MAN2A2: variants seen among roughly 807,000 people sequenced by gnomAD.
The protein encoded by MAN2A2 is alpha-mannosidase 2x.
Under a neutral mutation model 126.8 loss-of-function variants are expected in MAN2A2, and 79 were observed. The observed-to-expected ratio is 0.62, with a 90% CI of 0.52 to 0.75. MAN2A2 has a LOEUF of 0.75. MAN2A2 is among the 30% of genes least tolerant of loss of function. MAN2A2 has a pLI of 0.00. For missense variants in MAN2A2, 1,392 were observed against 1,522.4 expected (o/e 0.91, Z 1.43); for synonymous variants, 671 against 618.7 (o/e 1.08, Z -1.25).
rs748793516 is a variant in MAN2A2 at position 90,911,405 on chromosome 15, C to A, written c.1964C>A (p.Pro655Gln). Reference sequence around the variant, plus strand: ...CACAGGTTTGTGGTCCTATTCAACCCACTGGAACAGGAGCGATTCAGCATG... The same window carrying A: ...CACAGGTTTGTGGTCCTATTCAACCAACTGGAACAGGAGCGATTCAGCATG... Reference protein sequence around the residue: ...SSPRFVVLFNPLEQERFSMVS... With the variant: ...SSPRFVVLFNQLEQERFSMVS... Residue 655 changes from proline (P) to glutamine (Q), a missense_variant, in exon 14 of 23, where the codon CCA becomes CAA. Coordinates refer to ENST00000559717, the MANE Select transcript of MAN2A2 (RefSeq NM_006122.4). The A allele has an allele frequency of 3.7e-6, 6 of 1,614,104 alleles. No individual in the cohort carries two copies. The South Asian group carries it at 5.5e-5, about 15-fold the overall frequency.
chr15:90,902,848 G>A (rs1467110762), upstream of MAN2A2: 1 of 147,148 alleles, frequency 6.8e-6, no homozygotes, highest in Admixed American at 6.7e-5. Context: ...GGAGCAGGGG[G>A]CTACGGGTGG....
chr15:90,910,674 A>C lies in MAN2A2; in HGVS notation c.1751A>C (p.Tyr584Ser), dbSNP rs566677943. ...GTAKEAVVVD[Y>S]GVRLLRSLVN... ...GCCAAGGAGGCTGTGGTGGTGGACT[A>C]TGGGGTCAGGTGGGAGCCTTCTCTT... Residue 584 changes from tyrosine (Y) to serine (S), a missense_variant, in exon 11 of 23, where the codon TAT (tyrosine) becomes TCT (serine). Coordinates refer to ENST00000559717, the MANE Select transcript of MAN2A2 (RefSeq NM_006122.4). 2 of 1,613,898 alleles carry C rather than the reference A, an allele frequency of 1.2e-6. No homozygotes were observed. The highest frequency in any genetic ancestry group is 2.7e-5 in the African/African-American group (2 of 74,994).
Position 90,905,427 on chromosome 15 carries a change from G to C in MAN2A2, c.309G>C (p.Glu103Asp), listed in dbSNP as rs1157484506. 3 of 1,613,794 alleles carry C rather than the reference G, an allele frequency of 1.9e-6. No homozygotes were observed. Among genetic ancestry groups the C allele is most frequent in the East Asian group, 4.5e-5 (2 of 44,888 alleles). ...TVNGSWVVPPEPRPSFFSISP... is the reference protein window; with the variant it reads ...TVNGSWVVPPDPRPSFFSISP... Reference sequence around the variant, plus strand: ...ATGGCTCCTGGGTGGTGCCACCGGAGCCCCGGCCCAGCTTCTTCTCCATCT... The same window carrying C: ...ATGGCTCCTGGGTGGTGCCACCGGACCCCCGGCCCAGCTTCTTCTCCATCT... The change falls in exon 3 of 23, where the codon GAG (glutamate) becomes GAC (aspartate). Residue 103 changes from glutamate to aspartate, a missense_variant. Transcript: ENST00000559717.
intron 5 of MAN2A2, 49 bp downstream of exon 5, chr15:90,906,065 C>A: frequency 1.2e-6 from 2 of 1,609,472 alleles, no homozygotes; most frequent in Admixed American, 1.7e-5. Flanking sequence ...GAGCCCCAGG[C>A]TGGGTGGACG....
At chr15:90,918,463 C>T (rs1394296035) in intron 21 of MAN2A2, 75 bp downstream of exon 21, 9 of 1,506,388 alleles carry the variant, frequency 6.0e-6, no homozygotes, top group Non-Finnish European at 8.2e-6. Flanking sequence ...CCTTCCTTAG[C>T]CTCCAGGATG....
In MAN2A2 at chr15:90,910,895, C is replaced by T. The variant is rs150135747; in HGVS notation, c.1809C>T (p.Ala603=). The change falls in exon 12 of 23, where the codon GCC becomes GCT. Residue 603 remains alanine (A), a synonymous_variant. Coordinates refer to ENST00000559717, the MANE Select transcript of MAN2A2 (RefSeq NM_006122.4). ...TGAAGCAGGTCATCATTCATGCAGC[C>T]CACTATCTGGTGCTGGGGGACAAGG... ...VNLKQVIIHA[A]HYLVLGDKET... The T allele has an allele frequency of 7.4e-6, 12 of 1,614,060 alleles. No homozygotes were observed. Among genetic ancestry groups the T allele is most frequent in the South Asian group, 2.2e-5 (2 of 91,086 alleles).
chr15:90,915,982 C>T (rs548466112), intron 19 of MAN2A2, 141 bp from the exon 20 acceptor site: 45 of 886,678 alleles, frequency 5.1e-5, no homozygotes, highest in Non-Finnish European at 7.2e-5. Flanking sequence ...CGTGGGAACC[C>T]GTGACCTCTC....
chr15:90,909,917 T>A (rs1294087539), intron 9 of MAN2A2, among the ~76,000 whole-genome samples, 173 bp from the exon 10 acceptor site: 1 of 152,168 alleles, frequency 6.6e-6, no homozygotes, highest in African/African-American at 2.4e-5. Flanking sequence ...GTGCCCCTTT[T>A]ATGTCAGAAT....
Position 90,910,499 on chromosome 15 carries a change from A to G in MAN2A2, c.1578-2A>G, listed in dbSNP as rs776175706. 1.2e-6 allele frequency: 2 copies of G among 1,613,552 alleles called. No homozygotes were observed. ...TGGCAGCTAACTTCTCTCTCTGGGCAGGGGGGCAGAGGTTCTGTACAGCCT... is the reference window on the plus strand; with the variant it reads ...TGGCAGCTAACTTCTCTCTCTGGGCGGGGGGGCAGAGGTTCTGTACAGCCT... On this transcript the variant is annotated splice_acceptor_variant, in intron 10 of 22. Coordinates refer to ENST00000559717, the MANE Select transcript of MAN2A2 (RefSeq NM_006122.4). LOFTEE classifies it high-confidence loss of function.
intron 2 of MAN2A2, 47 bp from the exon 3 acceptor site, chr15:90,905,204 C>T (rs970637159): frequency 6.3e-6 from 10 of 1,594,070 alleles, no homozygotes; most frequent in African/African-American, 2.7e-5. Context: ...GAGACCCTCC[C>T]TGTGGCATAA....
At chr15:90,906,199 G>C (rs1329836724) in intron 5 of MAN2A2, among the ~76,000 whole-genome samples, 171 bp from the exon 6 acceptor site, 1 of 152,224 alleles carries the variant, frequency 6.6e-6, no homozygotes, top group Non-Finnish European at 1.5e-5. Context: ...GCGGGGCCAG[G>C]ATAGCCTGGA....
rs77394769 is a variant in MAN2A2, at chr15:90,906,294, A to G, written c.708-76A>G. The G allele has an allele frequency of 8.9e-5, 140 of 1,572,974 alleles. No individual in the cohort carries two copies. The East Asian group carries it at 2.6e-3, about 29-fold the overall frequency. ...CTGGTCCAGTGAGGCCAGTGCACAC[A>G]GGCCCTGACATTTGCTGGTTGGCAG... is the stretch of plus-strand genomic sequence containing the variant. On this transcript the variant is annotated intron_variant, in intron 5 of 22. Transcript: ENST00000559717.
chr15:90,914,606 G>A (rs1239852594), intron 19 of MAN2A2, among the ~76,000 whole-genome samples: 2 of 152,012 alleles, frequency 1.3e-5, no homozygotes, highest in African/African-American at 2.4e-5. Context: ...TGCAACCTCC[G>A]CCTTCCGATT....
At position 90,918,332 on chromosome 15, in the gene MAN2A2, G is replaced by T. The variant is rs1353246246; in HGVS notation, c.3133G>T (p.Ala1045Ser). 1.9e-6 allele frequency: 3 copies of T among 1,614,002 alleles called. No homozygotes were observed. Among genetic ancestry groups the T allele is most frequent in the Non-Finnish European group, 2.5e-6 (3 of 1,180,026 alleles). ...GPGLRSFHPL[A>S]SSLPCDFHLL... The stretch of plus-strand genomic sequence containing the variant: ...TGGTCTGCGCTCATTTCATCCTCTG[G>T]CTTCCTCACTGCCCTGTGACTTCCA... The change falls in exon 21 of 23, where the codon GCT (alanine) becomes TCT (serine). Residue 1045 changes from alanine to serine, a missense_variant. Ala to Ser is a moderately conservative substitution (Grantham distance 99, BLOSUM62 1). Transcript: ENST00000559717.
chr15:90,914,269 G>A (rs2035000536), intron 19 of MAN2A2, among the ~76,000 whole-genome samples: 1 of 152,224 alleles, frequency 6.6e-6, no homozygotes, highest in Non-Finnish European at 1.5e-5. Context: ...GCTGGAGGCT[G>A]CAGTAAGCCA....
chr15:90,920,249 G>A lies in MAN2A2; in HGVS notation c.*462G>A, dbSNP rs2035483586. 1 of 160,820 alleles carries A rather than the reference G, an allele frequency of 6.2e-6. No homozygotes were observed. The highest frequency in any genetic ancestry group is 1.8e-4 in the South Asian group (1 of 5,688). 10.0% of individuals were successfully genotyped at this position (160,820 alleles called of 1,614,324 possible). ...TAGAGACTCCATGTCCTGGTGTGAT[G>A]AGCAGGATCAGAGTGACTCTGGGAG... On this transcript the variant is annotated 3_prime_UTR_variant, in exon 23 of 23. Coordinates refer to ENST00000559717, the MANE Select transcript of MAN2A2 (RefSeq NM_006122.4).
At chr15:90,915,042 G>A (rs1041220607) in intron 19 of MAN2A2, among the ~76,000 whole-genome samples, 1 of 152,212 alleles carries the variant, frequency 6.6e-6, no homozygotes, top group African/African-American at 2.4e-5. Context: ...GTGGCCCAAT[G>A]GCTGGCAAGT....
At chr15:90,916,478 A>G (rs919522044) in intron 20 of MAN2A2, 4 of 1,181,482 alleles carry the variant, frequency 3.4e-6, no homozygotes, top group Non-Finnish European at 4.8e-6. Flanking sequence ...TGTGCCCCTC[A>G]TGTTCGTCTC....
chr15:90,911,692 TC>T, intron 14 of MAN2A2, 142 bp downstream of exon 14: 1 of 928,702 alleles, frequency 1.1e-6, no homozygotes, highest in Non-Finnish European at 1.6e-6. Context: ...GAGGGGGTTG[TC>T]CAGAAGACAG....
Sources: gnomAD v4.1 joint callset for allele counts (sites outside exome capture counted in the v4.1 genomes callset) on GRCh38, gnomAD v4.1.1 for gene constraint, MANE v1.5 for transcripts, NCBI Gene and HGNC (gene_info 2026-07-23, HGNC 2026-07-21) for gene names.